The following ZBBX variants were observed in gnomAD, a reference collection of about 807,000 sequenced individuals.
ZBBX encodes the protein zinc finger B-box domain-containing protein 1.
Under a neutral mutation model 108.5 loss-of-function variants are expected in ZBBX, and 101 were observed. The ratio of observed to expected loss-of-function variants is 0.93; its 90% confidence interval spans 0.79 to 1.10. The LOEUF (loss-of-function observed/expected upper bound fraction) is 1.10. Among genes scored for constraint, ZBBX ranks in the 50% least tolerant of loss-of-function variants. The pLI, the probability that ZBBX is intolerant of heterozygous loss-of-function variation, is 0.00. For synonymous variants in ZBBX, 356 were observed against 323.4 expected, an observed-to-expected ratio of 1.10 and a Z score of -1.08; for missense variants, 1,009 against 941.4, an observed-to-expected ratio of 1.07 and a Z score of -0.94.
chr3:167,285,346 CAAAT>C (rs1459007444), intron 19 of ZBBX, among the ~76,000 whole-genome samples: 5 of 152,002 alleles, frequency 3.3e-5, no homozygotes, highest in Non-Finnish European at 5.9e-5. Context: ...GTTTTAATAA[CAAAT>C]AATATTCTTA....
chr3:167,385,761 C>A (rs1478330401), intron 1 of ZBBX, among the ~76,000 whole-genome samples: 2 of 151,908 alleles, frequency 1.3e-5, no homozygotes, highest in African/African-American at 4.8e-5. Context: ...TCAAGACATC[C>A]CCAGGCGATA....
At chr3:167,309,389 C>A (rs965627684) in intron 16 of ZBBX, among the ~76,000 whole-genome samples, 40 of 152,216 alleles carry the variant, frequency 2.6e-4, no homozygotes, top group African/African-American at 9.6e-4. Flanking sequence ...CCACATATTT[C>A]CCCTTTGCAC....
At position 167,314,708 on chromosome 3, in the gene ZBBX, G is replaced by C. The variant is rs190790416; in HGVS notation, c.1275-592C>G. ...CCGAAAAGGCCCTCTTGTGTCACTC[G>C]TGATCTCCAGGAGAGAGAGAAAATT... On this transcript the variant is annotated intron_variant, in intron 15 of 21. Transcript: ENST00000675490. Among the ~76,000 whole-genome samples, 4 of 152,116 alleles carry C rather than the reference G, an allele frequency of 2.6e-5. No homozygotes were observed. The East Asian group carries it at 7.7e-4, about 29-fold the overall frequency.
intron 9 of ZBBX, among the ~76,000 whole-genome samples, chr3:167,343,696 T>C (rs1225092727): frequency 6.6e-6 from 1 of 151,918 alleles, no homozygotes; most frequent in Non-Finnish European, 1.5e-5. Context: ...ACTAGGATGT[T>C]AGACCAAAAA....
At position 167,389,344 on chromosome 3, in the gene ZBBX, T is replaced by C. The variant is rs191555893; in HGVS notation, c.-445-8939A>G. On this transcript the variant is annotated intron_variant, in intron 1 of 21. Transcript: ENST00000455345. Reference sequence around the variant, plus strand: ...TATGGCTGCATAGTACTCCATGGTGTATATGTGCCACATTTTGTTTATCCA... The same window carrying C: ...TATGGCTGCATAGTACTCCATGGTGCATATGTGCCACATTTTGTTTATCCA... Among the ~76,000 whole-genome samples, 4 of 152,316 alleles carry C rather than the reference T, an allele frequency of 2.6e-5. No homozygotes were observed. The East Asian group carries it at 7.7e-4, about 29-fold the overall frequency.
In ZBBX at chr3:167,261,691, C is replaced by A. The variant is rs957553671; in HGVS notation, c.2255-19048G>T. Among the ~76,000 whole-genome samples the A allele has an allele frequency of 2.0e-5, 3 of 150,994 alleles. No individual in the cohort carries two copies. In the East Asian group the frequency reaches 5.9e-4, roughly 30 times the overall value. On this transcript the variant is annotated intron_variant, in intron 20 of 21. Transcript: ENST00000675490. The stretch of plus-strand genomic sequence containing the variant: ...CTCACTCCCACCATGCCCCACCACC[C>A]AACAGCCCTCACACCCAGATCATTT...
At chr3:167,358,596 A>C (rs2108530534) in intron 8 of ZBBX, among the ~76,000 whole-genome samples, 1 of 152,284 alleles carries the variant, frequency 6.6e-6, no homozygotes, top group South Asian at 2.1e-4. Flanking sequence ...AGCAGTCAGA[A>C]GTCATAATTT....
the ZBBX span, among the ~76,000 whole-genome samples, chr3:167,232,823 T>C: frequency 6.6e-6 from 1 of 151,690 alleles, no homozygotes; most frequent in Non-Finnish European, 1.5e-5. Context: ...AGAATTACAC[T>C]CAAATTACAC....
chr3:167,356,551 C>T (rs1743610049), intron 8 of ZBBX, among the ~76,000 whole-genome samples: 1 of 151,962 alleles, frequency 6.6e-6, no homozygotes, highest in Non-Finnish European at 1.5e-5. Context: ...CTGCTTTTTA[C>T]CTATGTGTTA....
At chr3:167,369,098 A>G (rs1745774861) in intron 4 of ZBBX, among the ~76,000 whole-genome samples, 1 of 152,174 alleles carries the variant, frequency 6.6e-6, no homozygotes, top group African/African-American at 2.4e-5. Context: ...TAAAGCCCCT[A>G]TTAACAGTTT....
At chr3:167,194,284 A>C in the ZBBX span, among the ~76,000 whole-genome samples, 769 of 149,804 alleles carry the variant, frequency 5.1e-3, 6 homozygotes, top group African/African-American at 0.018. Flanking sequence ...TTCATAGAGC[A>C]CAGAACTGTA....
intron 10 of ZBBX, among the ~76,000 whole-genome samples, chr3:167,330,917 A>G (rs1361718977): frequency 1.5e-4 from 8 of 55,146 alleles, no homozygotes; most frequent in African/African-American, 4.2e-4. Flanking sequence ...AAGAGGCATC[A>G]TATATCTCTT....
At chr3:167,331,714 T>C (rs1738663101) in intron 10 of ZBBX, 1 of 654,306 alleles carries the variant, frequency 1.5e-6, no homozygotes, top group East Asian at 1.4e-4. Context: ...AAGACGCACA[T>C]AGAAATTCAA....
chr3:167,319,276 C>T (rs918375053), intron 12 of ZBBX, among the ~76,000 whole-genome samples: 9 of 151,856 alleles, frequency 5.9e-5, no homozygotes, highest in East Asian at 1.9e-4. Flanking sequence ...CATGAAAGGA[C>T]GGATACTGTA....
the ZBBX span, among the ~76,000 whole-genome samples, chr3:167,193,924 G>A: frequency 6.6e-6 from 1 of 152,078 alleles, no homozygotes; most frequent in Admixed American, 6.6e-5. Flanking sequence ...AGCTAAAATG[G>A]TTGGTCTCAT....
intron 2 of ZBBX, among the ~76,000 whole-genome samples, chr3:167,379,294 T>C (rs1212820694): frequency 6.6e-6 from 1 of 152,174 alleles, no homozygotes; most frequent in Non-Finnish European, 1.5e-5. Context: ...ATACCAGTCT[T>C]CACTGAACTT....
At chr3:167,234,270 T>A in the ZBBX span, among the ~76,000 whole-genome samples, 13 of 151,892 alleles carry the variant, frequency 8.6e-5, no homozygotes, top group African/African-American at 3.1e-4. Flanking sequence ...AAAATTTCCA[T>A]CACAGGTTAC....
At chr3:167,218,844 A>C in the ZBBX span, among the ~76,000 whole-genome samples, 1 of 152,118 alleles carries the variant, frequency 6.6e-6, no homozygotes, top group East Asian at 1.9e-4. Flanking sequence ...AGCTGAATGA[A>C]TATAACAACA....
chr3:167,350,882 T>C (rs1742530621), intron 8 of ZBBX, among the ~76,000 whole-genome samples: 1 of 152,112 alleles, frequency 6.6e-6, no homozygotes, highest in South Asian at 2.1e-4. Context: ...TGGTAAAAAC[T>C]AAACAGCATT....
Sources: allele counts gnomAD v4.1 joint callset (sites outside exome capture counted in the v4.1 genomes callset), GRCh38; gene constraint gnomAD v4.1.1; transcripts MANE v1.5; gene names NCBI Gene and HGNC (gene_info 2026-07-23, HGNC 2026-07-21).